The following NXPH1 variants were observed in gnomAD, a reference collection of about 807,000 sequenced individuals.
NXPH1 encodes the protein neurexophilin-1.
A neutral mutation model predicts 23.7 loss-of-function variants in NXPH1; 5 were observed. That is an observed-to-expected ratio of 0.21 (90% CI 0.11 to 0.44). The LOEUF (loss-of-function observed/expected upper bound fraction) is 0.44, where lower values mean the gene tolerates loss of function less well. Ranked by LOEUF, NXPH1 falls within the 20% of genes least tolerant of loss-of-function variation. The pLI is 0.99. For missense variants in NXPH1, 324 were observed against 321.6 expected (o/e 1.01, Z -0.06); for synonymous variants, 144 against 122.2 (o/e 1.18, Z -1.18).
chr7:8,674,188 CA>C (rs1160810212), intron 2 of NXPH1, among the ~76,000 whole-genome samples: 2 of 145,976 alleles, frequency 1.4e-5, no homozygotes, highest in East Asian at 2.1e-4. Context: ...CACACACACA[CA>C]CACACACACA....
intron 2 of NXPH1, among the ~76,000 whole-genome samples, chr7:8,460,065 A>G (rs1816666948): frequency 6.6e-6 from 1 of 152,208 alleles, no homozygotes; most frequent in Non-Finnish European, 1.5e-5. Context: ...TCAGATGAGT[A>G]AATCAAAAGC....
intron 2 of NXPH1, among the ~76,000 whole-genome samples, chr7:8,737,091 C>G (rs935827547): frequency 1.3e-4 from 19 of 151,958 alleles, no homozygotes; most frequent in Admixed American, 1.2e-3. Flanking sequence ...TCCAATTTGC[C>G]AGTGTGTGTC....
chr7:8,438,432 A>G lies in NXPH1; in HGVS notation c.54+2665A>G, dbSNP rs183060685. On this transcript the variant is annotated intron_variant, in intron 2 of 2. Coordinates refer to ENST00000405863, the MANE Select transcript of NXPH1 (RefSeq NM_152745.3). ...TATTTTAATTTTCTCTTGAACTGAC[A>G]TAAGCCAGGGAAGAATTTGATGGAT... 3.3e-5 allele frequency among the ~76,000 whole-genome samples: 5 copies of G among 152,356 alleles called. No homozygotes were observed. The East Asian group carries it at 9.6e-4, about 29-fold the overall frequency.
chr7:8,640,512 ACTTG>A (rs1251100909), intron 2 of NXPH1, among the ~76,000 whole-genome samples: 1 of 151,776 alleles, frequency 6.6e-6, no homozygotes, highest in Non-Finnish European at 1.5e-5. Flanking sequence ...GTACTTCTTT[ACTTG>A]TCTTTAAATA....
At chr7:8,675,130 G>T (rs1342143888) in intron 2 of NXPH1, among the ~76,000 whole-genome samples, 1 of 152,172 alleles carries the variant, frequency 6.6e-6, no homozygotes, top group East Asian at 1.9e-4. Context: ...GAATCAGAGA[G>T]ACCAAGATTC....
intron 2 of NXPH1, among the ~76,000 whole-genome samples, chr7:8,517,978 T>C (rs1322675535): frequency 1.3e-5 from 2 of 152,142 alleles, no homozygotes; most frequent in African/African-American, 4.8e-5. Context: ...CACTGCAATA[T>C]TCATCAAACA....
chr7:8,467,527 T>A, intron 2 of NXPH1, among the ~76,000 whole-genome samples: 1 of 152,222 alleles, frequency 6.6e-6, no homozygotes, highest in East Asian at 1.9e-4. Context: ...CTTTATGTTG[T>A]TAACTTTCTA....
chr7:8,580,325 C>A (rs1251118675), intron 2 of NXPH1, among the ~76,000 whole-genome samples: 1 of 152,128 alleles, frequency 6.6e-6, no homozygotes, highest in Admixed American at 6.5e-5. Flanking sequence ...CCTATGACAC[C>A]TTGAAAGATT....
intron 2 of NXPH1, among the ~76,000 whole-genome samples, chr7:8,457,035 G>A (rs1223411717): frequency 6.6e-6 from 1 of 152,122 alleles, no homozygotes; most frequent in Non-Finnish European, 1.5e-5. Context: ...GTCCACAAAG[G>A]TCAATTGAAT....
At chr7:8,529,767 T>A in intron 2 of NXPH1, among the ~76,000 whole-genome samples, 1 of 152,196 alleles carries the variant, frequency 6.6e-6, no homozygotes, top group East Asian at 1.9e-4. Flanking sequence ...CAATACATTT[T>A]GTAATTTTTA....
At chr7:8,485,711 A>T (rs1162404784) in intron 2 of NXPH1, among the ~76,000 whole-genome samples, 1 of 152,208 alleles carries the variant, frequency 6.6e-6, no homozygotes, top group Non-Finnish European at 1.5e-5. Flanking sequence ...TAAATATTAT[A>T]TTAAAAAACA....
chr7:8,613,458 C>T (rs538603685), intron 2 of NXPH1, among the ~76,000 whole-genome samples: 9 of 151,928 alleles, frequency 5.9e-5, no homozygotes, highest in Non-Finnish European at 1.3e-4. Context: ...TAATTTCTTT[C>T]TTTGATTCCT....
chr7:8,569,659 G>C (rs1205420460), intron 2 of NXPH1, among the ~76,000 whole-genome samples: 1 of 151,842 alleles, frequency 6.6e-6, no homozygotes, highest in Non-Finnish European at 1.5e-5. Flanking sequence ...ATTTTTGTGT[G>C]TGTTTCAGAG....
chr7:8,711,385 A>G (rs1328274401), intron 2 of NXPH1, among the ~76,000 whole-genome samples: 3 of 152,278 alleles, frequency 2.0e-5, no homozygotes, highest in East Asian at 1.9e-4. Flanking sequence ...AGGATTTACT[A>G]TATCCTTTCT....
intron 2 of NXPH1, among the ~76,000 whole-genome samples, chr7:8,745,252 G>C (rs893385151): frequency 6.6e-6 from 1 of 152,140 alleles, no homozygotes; most frequent in African/African-American, 2.4e-5. Flanking sequence ...ACAGTATAAG[G>C]CTATGAGATA....
intron 2 of NXPH1, among the ~76,000 whole-genome samples, chr7:8,483,742 T>C (rs1476107197): frequency 3.3e-5 from 5 of 152,208 alleles, no homozygotes; most frequent in Non-Finnish European, 7.3e-5. Flanking sequence ...CCAGAAGTAC[T>C]CTTGTAGCAT....
At chr7:8,655,433 T>A (rs1338164703) in intron 2 of NXPH1, among the ~76,000 whole-genome samples, 1,436 of 58,860 alleles carry the variant, frequency 0.024, 40 homozygotes, top group Admixed American at 0.093. Flanking sequence ...TCTCTCTCTC[T>A]CTCTCTCTCT....
At chr7:8,681,880 C>A (rs76396529) in intron 2 of NXPH1, among the ~76,000 whole-genome samples, 1 of 152,162 alleles carries the variant, frequency 6.6e-6, no homozygotes, top group Non-Finnish European at 1.5e-5. Flanking sequence ...CTTGTCCAGC[C>A]CATATGTGCG....
intron 2 of NXPH1, among the ~76,000 whole-genome samples, chr7:8,549,674 A>G (rs780355052): frequency 6.6e-6 from 1 of 151,570 alleles, no homozygotes; most frequent in Non-Finnish European, 1.5e-5. Context: ...ACACTGCCTT[A>G]TAATAATTGC....
Sources: allele counts gnomAD v4.1 joint callset (sites outside exome capture counted in the v4.1 genomes callset), GRCh38; gene constraint gnomAD v4.1.1; transcripts MANE v1.5; gene names NCBI Gene and HGNC (gene_info 2026-07-23, HGNC 2026-07-21).